Variants in HHAT observed in about 807,000 individuals in gnomAD.
The protein encoded by HHAT is hedgehog acyltransferase, also known as protein-cysteine N-palmitoyltransferase HHAT.
HHAT carries 47 observed loss-of-function variants against 70.8 expected under a neutral mutation model. That is an observed-to-expected ratio of 0.66 (90% CI 0.53 to 0.85). The LOEUF is 0.85. Ranked by LOEUF, HHAT falls within the 40% of genes least tolerant of loss-of-function variation. The pLI, the probability that HHAT is intolerant of heterozygous loss-of-function variation, is 0.00. For missense variants in HHAT, 609 were observed against 604.8 expected, an observed-to-expected ratio of 1.01 and a Z score of -0.07; for synonymous variants, 228 against 247.6, an observed-to-expected ratio of 0.92 and a Z score of 0.74.
chr1:210,500,076 G>T (rs1466321705), intron 8 of HHAT, among the ~76,000 whole-genome samples: 2 of 152,178 alleles, frequency 1.3e-5, no homozygotes, highest in African/African-American at 4.8e-5. Flanking sequence ...CCTCATTCCA[G>T]TTAAGCAACT....
chr1:210,338,620 A>G (rs1474109332), intron 1 of HHAT, among the ~76,000 whole-genome samples: 4 of 152,120 alleles, frequency 2.6e-5, no homozygotes, highest in Admixed American at 1.3e-4. Flanking sequence ...GAGGTTCGCT[A>G]TTACTGTGTT....
At chr1:210,585,930 C>T (rs1660339326) in intron 9 of HHAT, among the ~76,000 whole-genome samples, 1 of 152,066 alleles carries the variant, frequency 6.6e-6, no homozygotes, top group Non-Finnish European at 1.5e-5. Context: ...GGAGCATGAT[C>T]AGATATTGCA....
At chr1:210,552,579 C>T (rs1468939152) in intron 9 of HHAT, among the ~76,000 whole-genome samples, 3 of 152,212 alleles carry the variant, frequency 2.0e-5, no homozygotes, top group African/African-American at 7.2e-5. Context: ...ACCTAGTTGG[C>T]CCCATGTTGC....
At chr1:210,671,930 G>A (rs1558403656) in intron 11 of HHAT, among the ~76,000 whole-genome samples, 3 of 152,198 alleles carry the variant, frequency 2.0e-5, no homozygotes, top group Admixed American at 6.5e-5. Context: ...GCCAGGCTAA[G>A]GCGCAAGGAA....
intron 10 of HHAT, among the ~76,000 whole-genome samples, chr1:210,602,481 G>T (rs6668713): frequency 6.6e-6 from 1 of 151,836 alleles, no homozygotes; most frequent in African/African-American, 2.4e-5. Context: ...AGAACAGTGC[G>T]TGCGCTACCT....
intron 9 of HHAT, among the ~76,000 whole-genome samples, chr1:210,540,503 GCACA>G (rs368372222): frequency 3.8e-5 from 5 of 132,264 alleles, no homozygotes; most frequent in African/African-American, 1.0e-4. Context: ...ACACACACAT[GCACA>G]CACACACAAA....
chr1:210,410,124 C>T (rs538226924), intron 6 of HHAT, among the ~76,000 whole-genome samples: 23 of 151,940 alleles, frequency 1.5e-4, no homozygotes, highest in African/African-American at 5.3e-4. Flanking sequence ...GCGATCTTGG[C>T]TCACTGCAAC....
intron 8 of HHAT, among the ~76,000 whole-genome samples, chr1:210,488,427 A>G (rs1404462933): frequency 6.6e-6 from 1 of 152,208 alleles, no homozygotes; most frequent in Non-Finnish European, 1.5e-5. Context: ...TATTATACAC[A>G]TAATGGGGGT....
chr1:210,584,333 C>T (rs553027001), intron 9 of HHAT, among the ~76,000 whole-genome samples: 2 of 152,148 alleles, frequency 1.3e-5, no homozygotes, highest in Admixed American at 1.3e-4. Context: ...TATAAAACAG[C>T]CATCTGTACA....
intron 10 of HHAT, among the ~76,000 whole-genome samples, chr1:210,617,074 G>A (rs1031864640): frequency 2.0e-5 from 3 of 152,222 alleles, no homozygotes; most frequent in Non-Finnish European, 4.4e-5. Flanking sequence ...TGGAAATATA[G>A]AACCTAAACC....
chr1:210,607,760 A>G (rs1332148376), intron 10 of HHAT, among the ~76,000 whole-genome samples: 1 of 151,534 alleles, frequency 6.6e-6, no homozygotes, highest in Non-Finnish European at 1.5e-5. Context: ...ACTTCTTTTT[A>G]ACTTAATGAA....
intron 2 of HHAT, among the ~76,000 whole-genome samples, chr1:210,351,390 A>T (rs899572022): frequency 2.6e-5 from 4 of 152,196 alleles, no homozygotes; most frequent in African/African-American, 9.6e-5. Flanking sequence ...AATAGTGTTT[A>T]ATCTGGGCAC....
intron 3 of HHAT, among the ~76,000 whole-genome samples, chr1:210,363,942 AC>A (rs2088630907): frequency 6.6e-6 from 1 of 152,190 alleles, no homozygotes; most frequent in African/African-American, 2.4e-5. Flanking sequence ...TACTGCCTGT[AC>A]TAATATTTTT....
At chr1:210,501,451 A>C (rs2094752380) in intron 8 of HHAT, among the ~76,000 whole-genome samples, 1 of 152,212 alleles carries the variant, frequency 6.6e-6, no homozygotes, top group South Asian at 2.1e-4. Flanking sequence ...GATTAACTAC[A>C]GGGAAGTGGA....
At chr1:210,535,794 A>C (rs1298191441) in intron 9 of HHAT, among the ~76,000 whole-genome samples, 2 of 152,212 alleles carry the variant, frequency 1.3e-5, no homozygotes, top group African/African-American at 4.8e-5. Context: ...ACATCAACAA[A>C]TAAACACACC....
intron 9 of HHAT, among the ~76,000 whole-genome samples, chr1:210,519,701 G>T (rs903945241): frequency 1.4e-5 from 2 of 145,490 alleles, no homozygotes; most frequent in African/African-American, 2.5e-5. Context: ...AATTTTTTTT[G>T]TTTTTTGGTA....
chr1:210,519,217 G>A (rs779985162), intron 9 of HHAT, among the ~76,000 whole-genome samples: 4 of 152,192 alleles, frequency 2.6e-5, no homozygotes, highest in Non-Finnish European at 4.4e-5. Context: ...CTTTCACAGT[G>A]TGTATATGCC....
Position 210,665,124 on chromosome 1 carries a change from A to G in HHAT, c.1391-9164A>G, listed in dbSNP as rs553133996. 7.2e-5 allele frequency among the ~76,000 whole-genome samples: 11 copies of G among 152,368 alleles called. No individual in the cohort carries two copies. In the East Asian group the frequency reaches 2.1e-3, roughly 29 times the overall value. ...AACCAGGTTGGCTGTGTGGGCTGTT[A>G]CATGTGCATAGTGCACCCCATGGAC... On this transcript the variant is annotated intron_variant, in intron 11 of 11. Transcript: ENST00000261458.
chr1:210,555,979 A>G (rs2095568673), intron 9 of HHAT, among the ~76,000 whole-genome samples: 1 of 152,134 alleles, frequency 6.6e-6, no homozygotes, highest in South Asian at 2.1e-4. Context: ...AAGCATAGCC[A>G]TGTTTGTTCT....
Sources: gnomAD v4.1 joint callset for allele counts (sites outside exome capture counted in the v4.1 genomes callset) on GRCh38, gnomAD v4.1.1 for gene constraint, MANE v1.5 for transcripts, NCBI Gene and HGNC (gene_info 2026-07-23, HGNC 2026-07-21) for gene names.